Variants in MYO1E observed in about 807,000 individuals in gnomAD.
The protein encoded by MYO1E is myosin IE.
A neutral mutation model predicts 151.1 loss-of-function variants in MYO1E; 68 were observed. The observed-to-expected ratio is 0.45, with a 90% CI of 0.37 to 0.55. The LOEUF (loss-of-function observed/expected upper bound fraction) is 0.55. Ranked by LOEUF, MYO1E falls within the 20% of genes least tolerant of loss-of-function variation. The pLI is 0.00. For missense variants in MYO1E, 1,363 were observed against 1,389.3 expected (o/e 0.98, Z 0.30); for synonymous variants, 601 against 501.7 (o/e 1.20, Z -2.64).
intron 1 of MYO1E, among the ~76,000 whole-genome samples, chr15:59,275,678 G>A (rs1396050849): frequency 2.0e-5 from 3 of 152,148 alleles, no homozygotes; most frequent in African/African-American, 7.2e-5. Flanking sequence ...GAACCTGGAG[G>A]TGGGAGCAAC....
chr15:59,308,831 T>C (rs747111872), intron 1 of MYO1E, among the ~76,000 whole-genome samples: 3 of 102,466 alleles, frequency 2.9e-5, no homozygotes, highest in Admixed American at 1.3e-4. Context: ...AGAGCAAAAC[T>C]CCATCTCAAA....
Position 59,227,593 on chromosome 15 carries a change from G to A in MYO1E, c.511-3C>T. ...AACTGGATTTCAAAGTATTTTCCCT[G>A]CAAGAAAGTTAGGGATTTCCTTCAA... On this transcript the variant is annotated splice_polypyrimidine_tract_variant and splice_region_variant and intron_variant, in intron 6 of 27. Coordinates refer to ENST00000288235, the MANE Select transcript of MYO1E (RefSeq NM_004998.4). 11 of 1,614,062 alleles carry A rather than the reference G, an allele frequency of 6.8e-6. No homozygotes were observed. The highest frequency in any genetic ancestry group is 9.3e-6 in the Non-Finnish European group (11 of 1,179,962).
At chr15:59,226,519 A>C (rs1279875795) in intron 7 of MYO1E, among the ~76,000 whole-genome samples, 24 of 152,232 alleles carry the variant, frequency 1.6e-4, no homozygotes, top group Admixed American at 1.6e-3. Flanking sequence ...AAAGTACCTG[A>C]ATCAGGGCCA....
intron 1 of MYO1E, among the ~76,000 whole-genome samples, chr15:59,364,671 G>A (rs2080903413): frequency 6.6e-6 from 1 of 152,170 alleles, no homozygotes; most frequent in Admixed American, 6.5e-5. Flanking sequence ...CACTTTGGGA[G>A]GTCAAGGTGG....
At chr15:59,198,637 G>A (rs1470647402) in intron 16 of MYO1E, among the ~76,000 whole-genome samples, 1 of 151,988 alleles carries the variant, frequency 6.6e-6, no homozygotes, top group African/African-American at 2.4e-5. Context: ...CCAACATGGT[G>A]AAACTTCGTC....
At chr15:59,262,567 G>GCAGTGAGCCCAGATCAGAGGTTA (rs1364515354) in intron 2 of MYO1E, among the ~76,000 whole-genome samples, 1 of 152,160 alleles carries the variant, frequency 6.6e-6, no homozygotes, top group Non-Finnish European at 1.5e-5. Context: ...GTCGGAGGTT[G>GCAGTGAGCCCAGATCAGAGGTTA]CAGTGAGCCC....
intron 18 of MYO1E, among the ~76,000 whole-genome samples, chr15:59,185,119 T>G (rs557884755): frequency 6.6e-6 from 1 of 152,336 alleles, no homozygotes; most frequent in South Asian, 2.1e-4. Flanking sequence ...CTTTTGCTCA[T>G]TTTTTTGATT....
At chr15:59,345,942 TA>T (rs1309365116) in intron 1 of MYO1E, among the ~76,000 whole-genome samples, 1 of 152,250 alleles carries the variant, frequency 6.6e-6, no homozygotes, top group African/African-American at 2.4e-5. Flanking sequence ...GCTTTCTTTC[TA>T]AAAGACTTTC....
At chr15:59,315,241 T>G (rs1320691749) in intron 1 of MYO1E, among the ~76,000 whole-genome samples, 3 of 152,126 alleles carry the variant, frequency 2.0e-5, no homozygotes, top group Admixed American at 2.0e-4. Context: ...TTCCATTACA[T>G]GTGCCCCCAA....
chr15:59,189,100 C>T (rs1267242585), intron 17 of MYO1E, among the ~76,000 whole-genome samples: 4 of 152,252 alleles, frequency 2.6e-5, no homozygotes, highest in Non-Finnish European at 5.9e-5. Flanking sequence ...CTCACTTTGT[C>T]ATCCAGGCTA....
chr15:59,256,867 A>G (rs1464256476), intron 3 of MYO1E, among the ~76,000 whole-genome samples: 1 of 152,090 alleles, frequency 6.6e-6, no homozygotes, highest in African/African-American at 2.4e-5. Flanking sequence ...CCTCAGAGGG[A>G]ATTAGGTGAG....
At chr15:59,196,699 G>A (rs1362796547) in intron 16 of MYO1E, among the ~76,000 whole-genome samples, 2 of 152,184 alleles carry the variant, frequency 1.3e-5, no homozygotes, top group African/African-American at 4.8e-5. Context: ...GTTTAGATGT[G>A]CAGGAAATAG....
At chr15:59,246,851 G>A (rs1461101961) in intron 4 of MYO1E, among the ~76,000 whole-genome samples, 1 of 152,136 alleles carries the variant, frequency 6.6e-6, no homozygotes, top group Admixed American at 6.5e-5. Flanking sequence ...CAAAGCTAAT[G>A]TGTCAATAAG....
At chr15:59,244,980 A>T (rs542717848) in intron 4 of MYO1E, among the ~76,000 whole-genome samples, 35 of 152,316 alleles carry the variant, frequency 2.3e-4, no homozygotes, top group African/African-American at 8.4e-4. Flanking sequence ...AACAGGGTCA[A>T]TCTAGGCCCT....
intron 15 of MYO1E, among the ~76,000 whole-genome samples, chr15:59,203,474 G>C (rs1315843124): frequency 6.6e-6 from 1 of 151,492 alleles, no homozygotes; most frequent in Admixed American, 6.6e-5. Context: ...CTGCCTCCCA[G>C]GTTCAAGTGA....
At chr15:59,163,006 G>A in intron 23 of MYO1E, 151 bp downstream of exon 23, 1 of 820,384 alleles carries the variant, frequency 1.2e-6, no homozygotes, top group Non-Finnish European at 2.0e-6. Flanking sequence ...TATCCAGACT[G>A]TCTTCTGCAG....
At chr15:59,282,759 G>A (rs1474382254) in intron 1 of MYO1E, among the ~76,000 whole-genome samples, 2 of 148,852 alleles carry the variant, frequency 1.3e-5, no homozygotes, top group Non-Finnish European at 3.0e-5. Flanking sequence ...GAGGCAGGAG[G>A]ATCGCTTAAG....
chr15:59,236,821 T>G, intron 4 of MYO1E, 149 bp from the exon 5 acceptor site: 1 of 713,966 alleles, frequency 1.4e-6, no homozygotes. Flanking sequence ...ACAATACCAG[T>G]AGAGAAAGGC....
intron 2 of MYO1E, among the ~76,000 whole-genome samples, chr15:59,269,565 T>C (rs1309426192): frequency 2.0e-5 from 3 of 152,166 alleles, no homozygotes; most frequent in African/African-American, 7.2e-5. Context: ...TACAATTCAA[T>C]TAAATGAAGC....
Sources: allele counts gnomAD v4.1 joint callset (sites outside exome capture counted in the v4.1 genomes callset), GRCh38; gene constraint gnomAD v4.1.1; transcripts MANE v1.5; gene names NCBI Gene and HGNC (gene_info 2026-07-23, HGNC 2026-07-21).